NCR1: variants seen among roughly 807,000 people sequenced by gnomAD.
NCR1 encodes NK cell-activating receptor.
In NCR1, 30 loss-of-function variants were observed where a neutral mutation model predicts 32.5. The observed-to-expected ratio is 0.92, with a 90% CI of 0.69 to 1.25. The LOEUF (loss-of-function observed/expected upper bound fraction) is 1.25. Ranked by LOEUF, NCR1 falls within the 50% of genes most tolerant of loss-of-function variation. The pLI is 0.00. For synonymous variants in NCR1, 169 were observed against 143.4 expected (o/e 1.18, Z -1.28); for missense variants, 369 against 380.7 (o/e 0.97, Z 0.26).
upstream of NCR1, among the ~76,000 whole-genome samples, chr19:54,901,217 G>C (rs192041031): frequency 2.6e-4 from 40 of 151,008 alleles, no homozygotes; most frequent in Admixed American, 1.2e-3. Flanking sequence ...ATAAACTCGG[G>C]AGGCAGAGCT....
At position 54,909,464 on chromosome 19, in the gene NCR1, G is replaced by T; in HGVS notation, c.575G>T (p.Gly192Val). Reference sequence around the variant, plus strand: ...CACAGAGGGACATACCGATGTTTTGGCTCCTATAACAACCATGCCTGGTCT... The same window carrying T: ...CACAGAGGGACATACCGATGTTTTGTCTCCTATAACAACCATGCCTGGTCT... Reference protein sequence around the residue: ...TAHRGTYRCFGSYNNHAWSFP... With the variant: ...TAHRGTYRCFVSYNNHAWSFP... Residue 192 changes from glycine to valine, a missense_variant, in exon 4 of 7, where the codon GGC (glycine) becomes GTC (valine). Coordinates refer to ENST00000291890, the MANE Select transcript of NCR1 (RefSeq NM_004829.7). 6.2e-7 allele frequency: 1 copy of T among 1,611,730 alleles called. No individual in the cohort carries two copies. The highest frequency in any genetic ancestry group is 8.5e-7 in the Non-Finnish European group (1 of 1,179,998).
At chr19:54,937,204 C>A in the NCR1 span, among the ~76,000 whole-genome samples, 41 of 143,692 alleles carry the variant, frequency 2.9e-4, no homozygotes, top group South Asian at 8.5e-3. Flanking sequence ...GGGAACATAG[C>A]GAGACTGTCT....
chr19:54,899,832 G>A, the NCR1 span, among the ~76,000 whole-genome samples: 1 of 152,118 alleles, frequency 6.6e-6, no homozygotes, highest in South Asian at 2.1e-4. Flanking sequence ...GTCCCCGCGT[G>A]ATTAAACACC....
At chr19:54,922,771 T>G in the NCR1 span, among the ~76,000 whole-genome samples, 12 of 83,768 alleles carry the variant, frequency 1.4e-4, no homozygotes, top group African/African-American at 6.0e-4. Flanking sequence ...AGAGTGAAAC[T>G]CCGTCTCAAA....
downstream of NCR1, among the ~76,000 whole-genome samples, chr19:54,917,524 T>C (rs1241863488): frequency 6.6e-6 from 1 of 151,986 alleles, no homozygotes; most frequent in Non-Finnish European, 1.5e-5. Flanking sequence ...TTTTACCATG[T>C]TAGCCAGGTT....
chr19:54,905,916 T>C (rs1190146808), upstream of NCR1, among the ~76,000 whole-genome samples: 1 of 152,156 alleles, frequency 6.6e-6, no homozygotes, highest in African/African-American at 2.4e-5. Flanking sequence ...CATTGCAGAA[T>C]TGAGAAGTTG....
At chr19:54,923,625 C>A in the NCR1 span, 2 of 1,217,546 alleles carry the variant, frequency 1.6e-6, no homozygotes, top group Non-Finnish European at 2.4e-6. Flanking sequence ...AGTGTCAAAT[C>A]CTACCTCTCG....
intron 3 of NCR1, among the ~76,000 whole-genome samples, chr19:54,907,312 C>T (rs587723891): frequency 4.0e-5 from 6 of 151,364 alleles, no homozygotes; most frequent in South Asian, 4.2e-4. Flanking sequence ...CCCACCACTA[C>T]GCCACATTTT....
At chr19:54,907,087 A>G (rs989406049) in intron 3 of NCR1, among the ~76,000 whole-genome samples, 4 of 151,760 alleles carry the variant, frequency 2.6e-5, no homozygotes, top group Non-Finnish European at 5.9e-5. Flanking sequence ...CCTCAAAAAC[A>G]ATGCCTGTGG....
At position 54,912,694 on chromosome 19, in the gene NCR1, T is replaced by C. The variant is rs1569537616; in HGVS notation, c.738T>C (p.His246=). The C allele has an allele frequency of 1.3e-6, 2 of 1,560,634 alleles. No individual in the cohort carries two copies. Among genetic ancestry groups the C allele is most frequent in the African/African-American group, 1.4e-5 (1 of 73,210 alleles). The change falls in exon 7 of 7, where the codon CAT becomes CAC. Residue 246 remains histidine (H), a synonymous_variant. Coordinates refer to ENST00000291890, the MANE Select transcript of NCR1 (RefSeq NM_004829.7). ...ACCCTGTTCTCCTGCCTACAGACCA[T>C]GCCCTCTGGGATCACACTGCCCAGA... ...LTTETGLQKD[H]ALWDHTAQNL...
At position 54,906,814 on chromosome 19, in the gene NCR1, G is replaced by A. The variant is rs201585348; in HGVS notation, c.355+7G>A. 8.7e-6 allele frequency: 14 copies of A among 1,613,296 alleles called. No homozygotes were observed. In the East Asian group the frequency reaches 3.1e-4, roughly 36 times the overall value. ...CTGGATCTGGTGGTAACAGGTAACT[G>A]TCCGGTTCTCTAACTGGAGAGTGAT... On this transcript the variant is annotated splice_region_variant and intron_variant, in intron 3 of 6. Transcript: ENST00000291890.
the NCR1 span, among the ~76,000 whole-genome samples, chr19:54,921,421 C>T: frequency 1.3e-5 from 2 of 152,168 alleles, no homozygotes; most frequent in Non-Finnish European, 2.9e-5. Context: ...AAATGAGGGC[C>T]TTCATGGGAT....
At chr19:54,903,813 T>C (rs1419708147), upstream of NCR1, among the ~76,000 whole-genome samples, 1 of 150,836 alleles carries the variant, frequency 6.6e-6, no homozygotes, top group Non-Finnish European at 1.5e-5. Flanking sequence ...AAGTGGAGAG[T>C]TAGTTACTTA....
the NCR1 span, among the ~76,000 whole-genome samples, chr19:54,899,102 A>G: frequency 6.6e-6 from 1 of 152,158 alleles, no homozygotes; most frequent in Non-Finnish European, 1.5e-5. Flanking sequence ...CACTGGGCAT[A>G]GAGACTAGGG....
chr19:54,934,662 G>A, the NCR1 span: 1 of 1,611,454 alleles, frequency 6.2e-7, no homozygotes, highest in Non-Finnish European at 8.5e-7. This position sits in a 1 kb window ranked among gnomAD's most constrained non-coding sequence, Gnocchi z 6.7. Flanking sequence ...CTCCCAACCT[G>A]TGAAAAGAGT....
chr19:54,916,322 T>C (rs1398971470), downstream of NCR1, among the ~76,000 whole-genome samples: 1 of 98,998 alleles, frequency 1.0e-5, no homozygotes, highest in Admixed American at 1.3e-4. Context: ...TTGTGCTTTT[T>C]TTTTTTTTTT....
At chr19:54,917,491 T>G (rs571604891), downstream of NCR1, among the ~76,000 whole-genome samples, 9 of 152,086 alleles carry the variant, frequency 5.9e-5, no homozygotes, top group African/African-American at 2.2e-4. Context: ...GGCTAATTTT[T>G]GTATTTTTAG....
At chr19:54,937,392 C>CA in the NCR1 span, among the ~76,000 whole-genome samples, 6 of 149,728 alleles carry the variant, frequency 4.0e-5, no homozygotes, top group Non-Finnish European at 7.4e-5. Flanking sequence ...CAAAACAAAC[C>CA]AAAAAAAAGA....
chr19:54,901,167 G>A (rs1241441852), upstream of NCR1, among the ~76,000 whole-genome samples: 1 of 149,548 alleles, frequency 6.7e-6, no homozygotes, highest in Non-Finnish European at 1.5e-5. Context: ...GTGGGCACCT[G>A]TAGTCCTAGC....
Sources: gnomAD v4.1 joint callset for allele counts (sites outside exome capture counted in the v4.1 genomes callset) on GRCh38, gnomAD v4.1.1 for gene constraint, Gnocchi (gnomAD v3.1) non-coding constraint, MANE v1.5 for transcripts, NCBI Gene and HGNC (gene_info 2026-07-23, HGNC 2026-07-21) for gene names.